SMARCA2: variants seen among roughly 807,000 people sequenced by gnomAD.
SMARCA2 encodes SWI/SNF-related matrix-associated actin-dependent regulator of chromatin subfamily A member 2.
In SMARCA2, 61 loss-of-function variants were observed where a neutral mutation model predicts 199.8. The ratio of observed to expected loss-of-function variants is 0.31; its 90% CI spans 0.25 to 0.38. SMARCA2 has a LOEUF of 0.38. Among genes scored for constraint, SMARCA2 ranks in the 10% least tolerant of loss-of-function variants. The probability of loss-of-function intolerance (pLI) is 1.00; values close to 1 mark genes in which losing one functional copy is unlikely to be tolerated. For missense variants in SMARCA2, 1,344 were observed against 2,012.2 expected (o/e 0.67, Z 6.35); for synonymous variants, 935 against 732.0 (o/e 1.28, Z -4.48).
intron 27 of SMARCA2, among the ~76,000 whole-genome samples, chr9:2,139,928 A>G (rs143278754): frequency 1.3e-5 from 2 of 152,362 alleles, no homozygotes; most frequent in East Asian, 1.9e-4. Context: ...TCATCCTTGC[A>G]TGAAGGTTAA....
At chr9:2,147,909 A>C (rs1348304685) in intron 27 of SMARCA2, among the ~76,000 whole-genome samples, 1 of 151,294 alleles carries the variant, frequency 6.6e-6, no homozygotes, top group Admixed American at 6.6e-5. Context: ...AGCTCATTGC[A>C]GCCTCCCTCA....
intron 27 of SMARCA2, among the ~76,000 whole-genome samples, chr9:2,141,258 A>C (rs778309061): frequency 2.0e-5 from 3 of 152,134 alleles, no homozygotes; most frequent in Non-Finnish European, 4.4e-5. Flanking sequence ...AATAGACAGC[A>C]CCTTTTAATT....
intron 27 of SMARCA2, 121 bp downstream of exon 27, chr9:2,124,058 C>A: frequency 1.3e-6 from 1 of 747,916 alleles, no homozygotes; most frequent in East Asian, 2.7e-5. Flanking sequence ...AGGGAAGGGG[C>A]TCTTGAACAC....
At chr9:2,157,714 G>A (rs1825439183) in intron 27 of SMARCA2, 1 of 387,562 alleles carries the variant, frequency 2.6e-6, no homozygotes, top group South Asian at 1.4e-4. Context: ...ATGCGCAGGA[G>A]TTGGCTTGGG....
At chr9:2,062,661 T>C (rs895059999) in intron 9 of SMARCA2, among the ~76,000 whole-genome samples, 2 of 152,178 alleles carry the variant, frequency 1.3e-5, no homozygotes, top group Non-Finnish European at 2.9e-5. Flanking sequence ...ATAGCACTTA[T>C]TCTTTGTGTC....
Position 2,192,755 on chromosome 9 carries a change from T to G in SMARCA2, c.*16T>G. ...TGATGAGTGATCAGTATGGACCTTT[T>G]TCCTTGGTAGAACTGAATTCCTTCC... is the stretch of plus-strand genomic sequence containing the variant. On this transcript the variant is annotated 3_prime_UTR_variant, in exon 34 of 34. Coordinates refer to ENST00000349721, the MANE Select transcript of SMARCA2 (RefSeq NM_003070.5). 6.3e-7 allele frequency: 1 copy of G among 1,595,010 alleles called. No homozygotes were observed. The highest frequency in any genetic ancestry group is 8.6e-7 in the Non-Finnish European group (1 of 1,162,690).
At chr9:2,173,348 G>C (rs1826360558) in intron 29 of SMARCA2, among the ~76,000 whole-genome samples, 1 of 152,140 alleles carries the variant, frequency 6.6e-6, no homozygotes, top group Admixed American at 6.5e-5. Flanking sequence ...GCTCTTGTAG[G>C]CAAAATTTAT....
At chr9:2,168,513 T>C (rs1826056965) in intron 28 of SMARCA2, among the ~76,000 whole-genome samples, 1 of 152,200 alleles carries the variant, frequency 6.6e-6, no homozygotes, top group Admixed American at 6.5e-5. Context: ...TATTTCAAAA[T>C]ATTGCCTTGT....
chr9:2,096,494 T>A, intron 19 of SMARCA2, 163 bp from the exon 20 acceptor site: 1 of 572,980 alleles, frequency 1.7e-6, no homozygotes, highest in Non-Finnish European at 3.1e-6. Context: ...ATGATGACTC[T>A]GGTCTCTTCT....
At chr9:2,055,458 A>G (rs549754087) in intron 6 of SMARCA2, 6 of 152,344 alleles carry the variant, frequency 3.9e-5, no homozygotes, top group African/African-American at 1.4e-4. Context: ...TCACTAACCC[A>G]AAGGGGATAA....
intron 17 of SMARCA2, among the ~76,000 whole-genome samples, chr9:2,085,493 G>C (rs957980432): frequency 3.9e-5 from 6 of 152,100 alleles, no homozygotes; most frequent in Non-Finnish European, 7.3e-5. Flanking sequence ...GCTAAATTAG[G>C]CAGGAAAGTA....
intron 14 of SMARCA2, among the ~76,000 whole-genome samples, chr9:2,079,267 A>T (rs781217070): frequency 1.3e-5 from 2 of 152,210 alleles, no homozygotes; most frequent in African/African-American, 4.8e-5. Context: ...GTTTAACTTC[A>T]TATTTCCCAA....
chr9:2,158,693 T>G, intron 27 of SMARCA2: 1 of 373,786 alleles, frequency 2.7e-6, no homozygotes, highest in Non-Finnish European at 4.8e-6. Context: ...AGCGCTGAGT[T>G]TGAGTCAGTT....
At chr9:2,047,010 C>G (rs1243187916) in intron 4 of SMARCA2, among the ~76,000 whole-genome samples, 1 of 150,940 alleles carries the variant, frequency 6.6e-6, no homozygotes, top group African/African-American at 2.4e-5. Flanking sequence ...TTTTCCTTCT[C>G]CGTTTTCTTT....
At chr9:2,028,104 G>C (rs564479223) in intron 1 of SMARCA2, among the ~76,000 whole-genome samples, 8 of 150,762 alleles carry the variant, frequency 5.3e-5, no homozygotes, top group African/African-American at 1.7e-4. Context: ...CTCATCTGTG[G>C]TGAGCTCTGA....
intron 31 of SMARCA2, among the ~76,000 whole-genome samples, chr9:2,184,718 C>G (rs779793546): frequency 1.4e-4 from 22 of 152,174 alleles, no homozygotes; most frequent in Non-Finnish European, 2.9e-4. Context: ...TTTATTCTTG[C>G]CTCCTCATCT....
At chr9:2,150,335 A>G (rs1463240277) in intron 27 of SMARCA2, among the ~76,000 whole-genome samples, 3 of 151,586 alleles carry the variant, frequency 2.0e-5, no homozygotes, top group Non-Finnish European at 3.0e-5. Flanking sequence ...GGCTCAGCCA[A>G]TCACTCTGGC....
At chr9:2,167,775 T>A (rs926097050) in intron 28 of SMARCA2, among the ~76,000 whole-genome samples, 6 of 152,236 alleles carry the variant, frequency 3.9e-5, no homozygotes, top group African/African-American at 1.2e-4. Flanking sequence ...ATTGTTTGCT[T>A]ATTTCCAGGA....
At chr9:2,135,705 C>A (rs781759784) in intron 27 of SMARCA2, among the ~76,000 whole-genome samples, 2 of 152,180 alleles carry the variant, frequency 1.3e-5, no homozygotes, top group Non-Finnish European at 2.9e-5. Flanking sequence ...CAATGCCTGG[C>A]TACTTCTTTG....
Sources: gnomAD v4.1 joint callset for allele counts (sites outside exome capture counted in the v4.1 genomes callset) on GRCh38, gnomAD v4.1.1 for gene constraint, MANE v1.5 for transcripts, NCBI Gene and HGNC (gene_info 2026-07-23, HGNC 2026-07-21) for gene names.